TCF4: variants seen among roughly 807,000 people sequenced by gnomAD.
TCF4 encodes transcription factor 4, also known as SL3-3 enhancer factor 2.
A neutral mutation model predicts 82.1 loss-of-function variants in TCF4; 3 were observed. The ratio of observed to expected loss-of-function variants is 0.04; its 90% CI spans 0.02 to 0.09. TCF4 has a LOEUF of 0.09. Ranked by LOEUF, TCF4 falls within the 10% of genes least tolerant of loss-of-function variation. The pLI, the probability that TCF4 is intolerant of heterozygous loss-of-function variation, is 1.00. For synonymous variants in TCF4, 276 were observed against 309.6 expected, an observed-to-expected ratio of 0.89 and a Z score of 1.14; for missense variants, 518 against 852.7, an observed-to-expected ratio of 0.61 and a Z score of 4.89.
chr18:55,585,257 C>T, intron 3 of TCF4, 23 bp downstream of exon 3: 2 of 1,608,576 alleles, frequency 1.2e-6, no homozygotes, highest in Non-Finnish European at 1.7e-6. Context: ...TTTAACTTAA[C>T]ACTAAGAAAA....
At chr18:55,255,240 TG>T (rs1209322538) in intron 14 of TCF4, among the ~76,000 whole-genome samples, 1 of 152,200 alleles carries the variant, frequency 6.6e-6, no homozygotes, top group African/African-American at 2.4e-5. Flanking sequence ...CCGGTGTTTC[TG>T]GCTTCCTGTC....
intron 3 of TCF4, among the ~76,000 whole-genome samples, chr18:55,567,146 A>G: frequency 6.6e-6 from 1 of 152,220 alleles, no homozygotes; most frequent in East Asian, 1.9e-4. Flanking sequence ...AAATTAAAAA[A>G]CAGATATATA....
At chr18:55,587,929 G>C (rs1015708694) in intron 1 of TCF4, 109 bp downstream of exon 1, 2 of 789,228 alleles carry the variant, frequency 2.5e-6, no homozygotes, top group African/African-American at 3.8e-5. Flanking sequence ...GCCGGGCGCC[G>C]GGAGCCCGCG....
At chr18:55,362,421 GGAAGGAAGGAA>G (rs1569191974) in intron 6 of TCF4, among the ~76,000 whole-genome samples, 1 of 137,534 alleles carries the variant, frequency 7.3e-6, no homozygotes, top group African/African-American at 2.7e-5. Flanking sequence ...AAGGAAGGAA[GGAAGGAAGGAA>G]GGAAAAAAAA....
At chr18:55,601,251 A>G (rs560133765) in intron 2 of TCF4, among the ~76,000 whole-genome samples, 7 of 152,312 alleles carry the variant, frequency 4.6e-5, no homozygotes, top group African/African-American at 1.7e-4. Flanking sequence ...TAAATCATAT[A>G]ATCTACAGTG....
chr18:55,491,230 GA>G (rs2096572744), intron 3 of TCF4, among the ~76,000 whole-genome samples: 1 of 152,082 alleles, frequency 6.6e-6, no homozygotes, highest in Admixed American at 6.6e-5. Context: ...AAAAGTTGGA[GA>G]GACATTAAGA....
At chr18:55,325,238 G>A (rs1216165275) in intron 8 of TCF4, among the ~76,000 whole-genome samples, 1 of 152,004 alleles carries the variant, frequency 6.6e-6, no homozygotes, top group Non-Finnish European at 1.5e-5. Flanking sequence ...CTCCATTTGG[G>A]GACATGCACA....
In TCF4 at chr18:55,222,762, T is replaced by A. The variant is rs2046039205; in HGVS notation, c.*5273A>T. 1 of 152,678 alleles carries A rather than the reference T, an allele frequency of 6.5e-6. No individual in the cohort carries two copies. Among genetic ancestry groups the A allele is most frequent in the African/African-American group, 2.4e-5 (1 of 41,462 alleles). 9.5% of individuals were successfully genotyped at this position (152,678 alleles called of 1,614,324 possible). The stretch of plus-strand genomic sequence containing the variant: ...TTGCAAAGTAGATTGATGTCCATTC[T>A]ACAAAAATATTAACTTACAGTACAT... On this transcript the variant is annotated 3_prime_UTR_variant, in exon 20 of 20. Transcript: ENST00000354452.
upstream of TCF4, chr18:55,588,362 G>T: frequency 6.7e-7 from 1 of 1,502,626 alleles, no homozygotes; most frequent in South Asian, 1.3e-5. Flanking sequence ...GCTCCGGGTC[G>T]GGCAGGCTAG....
rs375854206 is a variant in TCF4, at chr18:55,234,373, C to G, written c.1486+175G>C. 1.4e-4 allele frequency: 121 copies of G among 836,200 alleles called. No individual in the cohort carries two copies. The South Asian group carries it at 1.9e-3, about 13-fold the overall frequency. The allele number at this position is 836,200 out of a possible 1,614,324, so 51.8% of individuals were successfully genotyped here. ...TTGAGGAAAACAGTCCCTGGAGAAA[C>G]ACAATTAGCGGGCGAAGTTCTAAAT... On this transcript the variant is annotated intron_variant, in intron 16 of 19. Coordinates refer to ENST00000354452, the MANE Select transcript of TCF4 (RefSeq NM_001083962.2).
intron 3 of TCF4, among the ~76,000 whole-genome samples, chr18:55,513,707 C>G (rs1203517738): frequency 6.6e-6 from 1 of 152,010 alleles, no homozygotes; most frequent in Non-Finnish European, 1.5e-5. Flanking sequence ...TTTGCTTTCT[C>G]ATATTTAAAA....
intron 2 of TCF4, among the ~76,000 whole-genome samples, chr18:55,616,124 G>A (rs2097711598): frequency 6.6e-6 from 1 of 152,140 alleles, no homozygotes; most frequent in East Asian, 1.9e-4. Context: ...TTGAGCATCA[G>A]TTCCCCATTA....
At chr18:55,399,880 T>TCACACACACA (rs398041380) in intron 6 of TCF4, among the ~76,000 whole-genome samples, 15 of 63,468 alleles carry the variant, frequency 2.4e-4, no homozygotes, top group Non-Finnish European at 3.2e-4. Context: ...TCTCTCTCTC[T>TCACACACACA]CACACACACA....
At chr18:55,618,653 C>G (rs951311930) in intron 2 of TCF4, among the ~76,000 whole-genome samples, 1 of 151,986 alleles carries the variant, frequency 6.6e-6, no homozygotes, top group African/African-American at 2.4e-5. Flanking sequence ...ATGAGCACAG[C>G]TCATTGCAGC....
chr18:55,341,135 G>A (rs2079858458), intron 8 of TCF4, among the ~76,000 whole-genome samples: 1 of 152,198 alleles, frequency 6.6e-6, no homozygotes, highest in South Asian at 2.1e-4. Context: ...CAACCTTGCT[G>A]TAGAGAGCTT....
intron 5 of TCF4, among the ~76,000 whole-genome samples, chr18:55,416,314 T>A (rs2094523908): frequency 6.6e-6 from 1 of 152,128 alleles, no homozygotes; most frequent in Non-Finnish European, 1.5e-5. Context: ...CTTTTACAGA[T>A]AAAAATTAAA....
upstream of TCF4, chr18:55,588,310 C>G (rs1208430694): frequency 3.7e-5 from 54 of 1,456,804 alleles, no homozygotes; most frequent in Non-Finnish European, 4.9e-5. Flanking sequence ...GCAAGTTCAG[C>G]AAAGAAATGG....
intron 6 of TCF4, among the ~76,000 whole-genome samples, chr18:55,383,222 C>T (rs1256774678): frequency 6.6e-6 from 1 of 152,208 alleles, no homozygotes; most frequent in African/African-American, 2.4e-5. Flanking sequence ...ACAAATTACT[C>T]AAGGCTTCTC....
intron 8 of TCF4, among the ~76,000 whole-genome samples, chr18:55,292,672 T>A (rs1044379182): frequency 6.7e-6 from 1 of 150,090 alleles, no homozygotes; most frequent in Non-Finnish European, 1.5e-5. Context: ...TGTTTGGAAC[T>A]TCCTAATCTA....
Sources: gnomAD v4.1 joint callset for allele counts (sites outside exome capture counted in the v4.1 genomes callset) on GRCh38, gnomAD v4.1.1 for gene constraint, MANE v1.5 for transcripts, NCBI Gene and HGNC (gene_info 2026-07-23, HGNC 2026-07-21) for gene names.